Variants in SLC2A13 observed in about 807,000 individuals in gnomAD.
SLC2A13 encodes the protein proton myo-inositol cotransporter.
A neutral mutation model predicts 64.4 loss-of-function variants in SLC2A13; 32 were observed. The ratio of observed to expected loss-of-function variants is 0.50; its 90% confidence interval spans 0.37 to 0.67. The LOEUF is 0.67. SLC2A13 is among the 30% of genes least tolerant of loss of function. SLC2A13 has a pLI of 0.00. For missense variants in SLC2A13, 743 were observed against 829.2 expected (o/e 0.90, Z 1.28); for synonymous variants, 338 against 327.1 (o/e 1.03, Z -0.36).
intron 7 of SLC2A13, among the ~76,000 whole-genome samples, chr12:39,822,641 A>G (rs1349130187): frequency 6.6e-6 from 1 of 152,228 alleles, no homozygotes; most frequent in African/African-American, 2.4e-5. Flanking sequence ...TGCACATGGA[A>G]TTCAAGCTTT....
At chr12:39,985,869 A>G (rs990531352) in intron 3 of SLC2A13, among the ~76,000 whole-genome samples, 1 of 152,150 alleles carries the variant, frequency 6.6e-6, no homozygotes, top group African/African-American at 2.4e-5. Flanking sequence ...AAAATGGAGT[A>G]AAGAATTTGT....
chr12:39,973,464 G>T (rs1946703801), intron 3 of SLC2A13, among the ~76,000 whole-genome samples: 1 of 152,172 alleles, frequency 6.6e-6, no homozygotes, highest in South Asian at 2.1e-4. Flanking sequence ...GTTCCTCATG[G>T]ATGTTTTCCA....
chr12:39,978,981 C>T (rs963597851), intron 3 of SLC2A13, among the ~76,000 whole-genome samples: 20 of 149,648 alleles, frequency 1.3e-4, no homozygotes, highest in African/African-American at 4.2e-4. Flanking sequence ...GATCTGAGAA[C>T]GGGCAGACTG....
At chr12:39,766,197 C>T (rs1157283029) in intron 7 of SLC2A13, among the ~76,000 whole-genome samples, 1 of 152,000 alleles carries the variant, frequency 6.6e-6, no homozygotes, top group Admixed American at 6.6e-5. Flanking sequence ...TTTCAGTATT[C>T]GTTTACCTCA....
Position 39,985,515 on chromosome 12 carries a change from T to C in SLC2A13, c.926-34150A>G, listed in dbSNP as rs11174603. 0.037 allele frequency among the ~76,000 whole-genome samples: 5,591 copies of C among 152,132 alleles called. 441 individuals carry two copies. The East Asian group carries it at 0.39, about 11-fold the overall frequency. ...GAAGTATCAAAAGAGAAATGAAAGG[T>C]ATAAAAGTGTTCCAGGAGCTAAAAA... On this transcript the variant is annotated intron_variant, in intron 3 of 9. Transcript: ENST00000280871.
chr12:40,068,038 G>C (rs1727602252), intron 1 of SLC2A13, among the ~76,000 whole-genome samples: 4 of 152,022 alleles, frequency 2.6e-5, no homozygotes, highest in Admixed American at 2.0e-4. Context: ...TGAGTAGCTT[G>C]GGCAACGGGG....
intron 1 of SLC2A13, among the ~76,000 whole-genome samples, chr12:40,084,868 G>A (rs182492463): frequency 6.6e-6 from 1 of 152,242 alleles, no homozygotes; most frequent in East Asian, 1.9e-4. Context: ...ACAGATGACT[G>A]GTAGCCCCTA....
At position 39,965,114 on chromosome 12, in the gene SLC2A13, G is replaced by T. The variant is rs200581865; in HGVS notation, c.926-13749C>A. Among the ~76,000 whole-genome samples the T allele has an allele frequency of 1.4e-4, 22 of 152,228 alleles. No individual in the cohort carries two copies. The East Asian group carries it at 3.7e-3, about 25-fold the overall frequency. On this transcript the variant is annotated intron_variant, in intron 3 of 9. Coordinates refer to ENST00000280871, the MANE Select transcript of SLC2A13 (RefSeq NM_052885.4). ...AACTTAAATAACAGAAAAGATGTCA[G>T]CTAACTAACACAGTTCTATGTATTC...
chr12:39,758,562 A>G lies in SLC2A13; in HGVS notation c.*1464T>C, dbSNP rs1286501704. 6.6e-6 allele frequency: 1 copy of G among 152,040 alleles called. No individual in the cohort carries two copies. Among genetic ancestry groups the G allele is most frequent in the Non-Finnish European group, 1.5e-5 (1 of 67,860 alleles). The allele number at this position is 152,040 out of a possible 1,614,324, so 9.4% of individuals were successfully genotyped here. On this transcript the variant is annotated 3_prime_UTR_variant, in exon 10 of 10. Transcript: ENST00000280871. Reference sequence around the variant, plus strand: ...ATTTTGTGATCAAGTAATTTTGTACATACTATATAGTTCTTAATAGAAAAG... The same window carrying G: ...ATTTTGTGATCAAGTAATTTTGTACGTACTATATAGTTCTTAATAGAAAAG...
chr12:39,925,401 T>C (rs1945708492), intron 4 of SLC2A13, among the ~76,000 whole-genome samples: 1 of 152,168 alleles, frequency 6.6e-6, no homozygotes. Flanking sequence ...AAATGTATTT[T>C]AATTAAATCT....
intron 6 of SLC2A13, among the ~76,000 whole-genome samples, chr12:39,859,190 A>G (rs1354761443): frequency 6.6e-6 from 1 of 152,138 alleles, no homozygotes; most frequent in Non-Finnish European, 1.5e-5. Flanking sequence ...GGAAAATGTG[A>G]AACTATCACT....
chr12:39,849,883 G>A (rs1048347639), intron 6 of SLC2A13, among the ~76,000 whole-genome samples: 1 of 151,800 alleles, frequency 6.6e-6, no homozygotes, highest in Non-Finnish European at 1.5e-5. Context: ...AAGCTCTGTT[G>A]TTGTTTTTTA....
intron 4 of SLC2A13, among the ~76,000 whole-genome samples, chr12:39,900,614 A>C (rs899169349): frequency 3.3e-5 from 5 of 152,182 alleles, no homozygotes; most frequent in Admixed American, 2.6e-4. Context: ...TAAAATACCT[A>C]GGAATCCAAC....
chr12:39,837,999 C>A (rs1943066821), intron 6 of SLC2A13, among the ~76,000 whole-genome samples: 1 of 150,928 alleles, frequency 6.6e-6, no homozygotes, highest in African/African-American at 2.4e-5. Context: ...GGGTATATAC[C>A]CAAATGACTA....
intron 1 of SLC2A13, among the ~76,000 whole-genome samples, chr12:40,065,450 T>C (rs1309744698): frequency 6.7e-6 from 1 of 149,740 alleles, no homozygotes; most frequent in Non-Finnish European, 1.5e-5. Flanking sequence ...CTGGGCATGG[T>C]AGTGCATGCC....
intron 4 of SLC2A13, among the ~76,000 whole-genome samples, chr12:39,935,447 G>A (rs190614115): frequency 3.9e-4 from 60 of 152,268 alleles, no homozygotes; most frequent in Non-Finnish European, 6.2e-4. Flanking sequence ...CACACTATCA[G>A]AGAGTGACTC....
intron 5 of SLC2A13, among the ~76,000 whole-genome samples, chr12:39,866,329 GTT>G (rs1943910272): frequency 6.6e-6 from 1 of 152,170 alleles, no homozygotes; most frequent in Non-Finnish European, 1.5e-5. Flanking sequence ...GATGACTGTA[GTT>G]TTTAGCTAGC....
At chr12:39,864,455 C>A (rs936881846) in intron 6 of SLC2A13, among the ~76,000 whole-genome samples, 5 of 152,164 alleles carry the variant, frequency 3.3e-5, no homozygotes, top group African/African-American at 9.7e-5. Context: ...TGTATATGAT[C>A]TAAAATAGCT....
chr12:39,788,367 A>C (rs142157150), intron 7 of SLC2A13, among the ~76,000 whole-genome samples: 50 of 152,288 alleles, frequency 3.3e-4, no homozygotes, highest in African/African-American at 1.2e-3. Flanking sequence ...AACACAGTGC[A>C]ATAGTGCAAC....
Sources: gnomAD v4.1 joint callset for allele counts (sites outside exome capture counted in the v4.1 genomes callset) on GRCh38, gnomAD v4.1.1 for gene constraint, MANE v1.5 for transcripts, NCBI Gene and HGNC (gene_info 2026-07-23, HGNC 2026-07-21) for gene names.